Variants in CIST1 observed in about 807,000 individuals in gnomAD.
The protein encoded by CIST1 is uncharacterized LOC729966.
the CIST1 span, among the ~76,000 whole-genome samples, chr19:18,252,819 T>G: frequency 6.6e-6 from 1 of 152,126 alleles, no homozygotes; most frequent in Non-Finnish European, 1.5e-5. Flanking sequence ...GCTGGCCAGA[T>G]TTGTCTCGAA....
chr19:18,253,205 G>C, the CIST1 span, among the ~76,000 whole-genome samples: 1 of 152,152 alleles, frequency 6.6e-6, no homozygotes. Flanking sequence ...TTCATGTGGA[G>C]TTGGTGCCTC....
the CIST1 span, chr19:18,252,166 G>A: frequency 2.5e-6 from 1 of 399,244 alleles, no homozygotes; most frequent in Non-Finnish European, 4.4e-6. Flanking sequence ...TCGGAACTGG[G>A]GAGGGTGGAA....
At chr19:18,253,287 G>A in the CIST1 span, among the ~76,000 whole-genome samples, 1 of 152,210 alleles carries the variant, frequency 6.6e-6, no homozygotes, top group Non-Finnish European at 1.5e-5. Flanking sequence ...GGAGGCTGAG[G>A]CGGGAGGATT....
the CIST1 span, chr19:18,250,364 C>T: frequency 1.5e-5 from 6 of 399,030 alleles, no homozygotes; most frequent in African/African-American, 1.2e-4. Context: ...GTGACAGAAT[C>T]TCACAGCCAT....
the CIST1 span, among the ~76,000 whole-genome samples, chr19:18,251,513 C>A: frequency 1.3e-5 from 2 of 152,062 alleles, no homozygotes; most frequent in African/African-American, 4.8e-5. Flanking sequence ...CAGCTCACTG[C>A]AACCTCTGCC....
the CIST1 span, among the ~76,000 whole-genome samples, chr19:18,251,787 T>A: frequency 6.7e-6 from 1 of 149,188 alleles, no homozygotes; most frequent in Admixed American, 6.9e-5. Flanking sequence ...AAAGTCCTGC[T>A]ATTTTGCCCA....
At chr19:18,249,969 G>C in the CIST1 span, 4 of 396,304 alleles carry the variant, frequency 1.0e-5, no homozygotes, top group East Asian at 1.4e-4. Context: ...ACAGAGCCCA[G>C]CACATAGTAG....
At chr19:18,254,243 TGAA>T in the CIST1 span, among the ~76,000 whole-genome samples, 2 of 152,070 alleles carry the variant, frequency 1.3e-5, no homozygotes, top group Admixed American at 6.5e-5. Context: ...TCTGCTGAAA[TGAA>T]GATGATTCAG....
chr19:18,255,415 C>T, the CIST1 span: 170 of 397,030 alleles, frequency 4.3e-4, no homozygotes, highest in South Asian at 0.011. The surrounding 1 kb of genome is among the most constrained non-coding windows in gnomAD (Gnocchi z 4.6). Flanking sequence ...TGGCGGAGCG[C>T]GGGGCTGTGC....
chr19:18,252,873 C>G, the CIST1 span, among the ~76,000 whole-genome samples: 2 of 152,204 alleles, frequency 1.3e-5, no homozygotes, highest in Admixed American at 6.5e-5. Flanking sequence ...TCCCAAAGTG[C>G]TGGGATTACA....
At chr19:18,251,676 A>ACACCCCCCC in the CIST1 span, among the ~76,000 whole-genome samples, 2 of 23,594 alleles carry the variant, frequency 8.5e-5, no homozygotes, top group African/African-American at 2.3e-4. Context: ...CTCGTGATAC[A>ACACCCCCCC]CGCCCCCCCC....
chr19:18,255,300 C>A, the CIST1 span: 10 of 399,348 alleles, frequency 2.5e-5, no homozygotes, highest in South Asian at 1.1e-3. This position sits in a 1 kb window ranked among gnomAD's most constrained non-coding sequence, Gnocchi z 4.6. Flanking sequence ...CAGCTGGGGG[C>A]ACGCCATTCC....
chr19:18,252,225 G>A, the CIST1 span: 3 of 399,120 alleles, frequency 7.5e-6, no homozygotes, highest in Non-Finnish European at 1.3e-5. Context: ...ACTAGGGTGC[G>A]TGATTGTCTC....
the CIST1 span, among the ~76,000 whole-genome samples, chr19:18,250,815 A>T: frequency 5.9e-4 from 86 of 145,914 alleles, no homozygotes; most frequent in African/African-American, 2.2e-3. Flanking sequence ...GCTCTGTCAC[A>T]CAGGCTGGAG....
the CIST1 span, among the ~76,000 whole-genome samples, chr19:18,251,524 G>A: frequency 1.3e-5 from 2 of 150,008 alleles, no homozygotes; most frequent in African/African-American, 4.9e-5. Context: ...AACCTCTGCC[G>A]CCTGGGTTCA....
At chr19:18,253,746 C>T in the CIST1 span, among the ~76,000 whole-genome samples, 4 of 152,164 alleles carry the variant, frequency 2.6e-5, no homozygotes, top group Non-Finnish European at 5.9e-5. Flanking sequence ...ACCCACCCTT[C>T]TACGTGTTGG....
At chr19:18,254,596 A>G in the CIST1 span, among the ~76,000 whole-genome samples, 3 of 152,314 alleles carry the variant, frequency 2.0e-5, no homozygotes, top group South Asian at 6.2e-4. Context: ...TGCCTTCTGA[A>G]TGAAACCCTT....
At chr19:18,250,132 ACT>A in the CIST1 span, 1 of 398,590 alleles carries the variant, frequency 2.5e-6, no homozygotes, top group South Asian at 1.3e-4. Context: ...CTCAGGGCTC[ACT>A]CCTGGAGGTG....
At chr19:18,252,111 G>A in the CIST1 span, 4 of 399,152 alleles carry the variant, frequency 1.0e-5, no homozygotes, top group African/African-American at 8.2e-5. Flanking sequence ...CAAGGGCTCC[G>A]TTCCGGGGCT....
Sources: allele counts gnomAD v4.1 joint callset (sites outside exome capture counted in the v4.1 genomes callset), GRCh38; gene constraint gnomAD v4.1.1; non-coding constraint Gnocchi (gnomAD v3.1); transcripts MANE v1.5; gene names NCBI Gene and HGNC (gene_info 2026-07-23, HGNC 2026-07-21).